NODAL: variants seen among roughly 807,000 people sequenced by gnomAD.
NODAL encodes the protein nodal homolog.
Under a neutral mutation model 34.0 loss-of-function variants are expected in NODAL, and 12 were observed. The ratio of observed to expected loss-of-function variants is 0.35; its 90% confidence interval spans 0.23 to 0.57. The LOEUF is 0.57. Among genes scored for constraint, NODAL ranks in the 20% least tolerant of loss-of-function variants. The probability of loss-of-function intolerance (pLI) is 0.83; values close to 1 mark genes in which losing one functional copy is unlikely to be tolerated. For missense variants in NODAL, 390 were observed against 444.2 expected (o/e 0.88, Z 1.10); for synonymous variants, 162 against 186.4 (o/e 0.87, Z 1.07).
At chr10:70,446,046 G>A (rs145152118), upstream of NODAL, among the ~76,000 whole-genome samples, 1 of 152,246 alleles carries the variant, frequency 6.6e-6, no homozygotes, top group African/African-American at 2.4e-5. Flanking sequence ...TTTTAGGACC[G>A]AGGCTAACAG....
In NODAL at chr10:70,433,056, G is replaced by A. The variant is rs188029435; in HGVS notation, c.924C>T (p.Val308=). The part of the protein sequence containing the change: ...SLLKRYQPHR[V]PSTCCAPVKT... ...TCACTGGGGCACAACAAGTGGAAGG[G>A]ACTCGGTGGGGCTGGTAACGTTTCA... is the stretch of plus-strand genomic sequence containing the variant. The change falls in exon 3 of 3, where the codon GTC becomes GTT. Residue 308 remains valine, a synonymous_variant. Transcript: ENST00000287139. 7.4e-5 allele frequency: 119 copies of A among 1,614,102 alleles called. No homozygotes were observed. The highest frequency in any genetic ancestry group is 6.6e-4 in the Middle Eastern group (4 of 6,062).
In NODAL at chr10:70,435,730, G is replaced by A. The variant is rs1389227600; in HGVS notation, c.447C>T (p.Gly149=). 4.3e-6 allele frequency: 7 copies of A among 1,614,068 alleles called. No homozygotes were observed. The highest frequency in any genetic ancestry group is 1.1e-5 in the South Asian group (1 of 91,090). ...GCCTGGTCACCTCCAAAACCATGCT[G>A]CCCAAGGAAAAGGTGACCTGGGACA... ...VTLSQVTFSL[G]SMVLEVTRPL... is the part of the protein sequence containing the mutation. Residue 149 remains glycine (G), a synonymous_variant, in exon 2 of 3, where the codon GGC becomes GGT. Transcript: ENST00000287139.
chr10:70,432,745 C>T lies in NODAL; in HGVS notation c.*191G>A. ...TCTTCCTCCCTCTTCCTGACAGCAG[C>T]CTCTGTGCTTGGCCAGACTCCACTG... On this transcript the variant is annotated 3_prime_UTR_variant, in exon 3 of 3. Coordinates refer to ENST00000287139, the MANE Select transcript of NODAL (RefSeq NM_018055.5). The T allele has an allele frequency of 1.5e-6, 1 of 654,506 alleles. No homozygotes were observed. The highest frequency in any genetic ancestry group is 2.7e-6 in the Non-Finnish European group (1 of 365,678). The allele number at this position is 654,506 out of a possible 1,614,324, so 40.5% of individuals were successfully genotyped here.
At chr10:70,440,557 A>AG in intron 1 of NODAL, among the ~76,000 whole-genome samples, 1 of 152,066 alleles carries the variant, frequency 6.6e-6, no homozygotes. Context: ...TGGCCCCCGC[A>AG]GGCGGAGGGA....
chr10:70,445,850 G>A (rs567654047), upstream of NODAL, among the ~76,000 whole-genome samples: 5 of 152,248 alleles, frequency 3.3e-5, no homozygotes, highest in South Asian at 2.1e-4. Context: ...CTCAAATAAC[G>A]TCTTGCCTTT....
At chr10:70,438,198 G>A (rs1348910566) in intron 1 of NODAL, among the ~76,000 whole-genome samples, 2 of 152,116 alleles carry the variant, frequency 1.3e-5, no homozygotes, top group African/African-American at 4.8e-5. Flanking sequence ...AGAGGCAGAG[G>A]CAGGAGAATC....
chr10:70,444,177 C>T (rs1430961533), upstream of NODAL, among the ~76,000 whole-genome samples: 4 of 152,140 alleles, frequency 2.6e-5, no homozygotes, highest in African/African-American at 9.7e-5. Context: ...AGGCGATCCA[C>T]CCGCCTCAGC....
At chr10:70,436,266 C>T (rs948428765) in intron 1 of NODAL, 11 of 478,252 alleles carry the variant, frequency 2.3e-5, no homozygotes, top group African/African-American at 5.9e-5. Flanking sequence ...GCCCAGACTC[C>T]GAATTACTGT....
upstream of NODAL, chr10:70,441,717 G>A: frequency 6.5e-7 from 1 of 1,527,516 alleles, no homozygotes; most frequent in Non-Finnish European, 8.9e-7. Flanking sequence ...TATATCCTGG[G>A]CCTCAGCAGC....
intron 1 of NODAL, chr10:70,447,903 AGAC>A: frequency 2.1e-6 from 1 of 471,140 alleles, no homozygotes; most frequent in South Asian, 1.5e-5. Flanking sequence ...GGCAGGTCTA[AGAC>A]AAGTCTCTCG....
At chr10:70,439,688 TCCTCCAGTCTC>T (rs1211520494) in intron 1 of NODAL, among the ~76,000 whole-genome samples, 2 of 152,304 alleles carry the variant, frequency 1.3e-5, no homozygotes, top group Non-Finnish European at 2.9e-5. Flanking sequence ...ACATCCCTTC[TCCTCCAGTCTC>T]CCTCCAGGCG....
rs747485211 is a variant in NODAL, at chr10:70,435,955, C to T, written c.222G>A (p.Thr74=). Residue 74 remains threonine (T), a synonymous_variant, in exon 2 of 3, where the codon ACG becomes ACA. Transcript: ENST00000287139. ...EDVAVDGQNW[T]FAFDFSFLSQ... ...TCAGGAAGGAGAAGTCAAAAGCAAA[C>T]GTCCAGTTCTGCCCATCCACTGCCA... The T allele has an allele frequency of 1.1e-5, 18 of 1,614,052 alleles. No individual in the cohort carries two copies. The highest frequency in any genetic ancestry group is 6.7e-5 in the East Asian group (3 of 44,894).
Position 70,432,404 on chromosome 10 carries a change from C to A in NODAL, c.*532G>T. 1 of 188,140 alleles carries A rather than the reference C, an allele frequency of 5.3e-6. No individual in the cohort carries two copies. The highest frequency in any genetic ancestry group is 1.1e-5 in the Non-Finnish European group (1 of 89,196). The allele number at this position is 188,140 out of a possible 1,614,324, so 11.7% of individuals were successfully genotyped here. On this transcript the variant is annotated 3_prime_UTR_variant, in exon 3 of 3. Transcript: ENST00000287139. ...ACAAGGCCAGTAGATTGCCACTGGC[C>A]AGCCAGAAAGCTGTGGGGCTCCCCC... is the stretch of plus-strand genomic sequence containing the variant.
chr10:70,437,012 A>T (rs1845365434), intron 1 of NODAL, among the ~76,000 whole-genome samples: 1 of 152,208 alleles, frequency 6.6e-6, no homozygotes, highest in Non-Finnish European at 1.5e-5. Context: ...ACACACACCC[A>T]GCCCTGTTCC....
chr10:70,433,976 C>T (rs72809270), intron 2 of NODAL, among the ~76,000 whole-genome samples: 15 of 152,066 alleles, frequency 9.9e-5, no homozygotes, highest in Non-Finnish European at 2.2e-4. Flanking sequence ...TCCAGGTGGG[C>T]GATGAAAATC....
chr10:70,441,777 A>C (rs941173086), upstream of NODAL: 4 of 1,162,556 alleles, frequency 3.4e-6, no homozygotes, highest in East Asian at 2.6e-5. Flanking sequence ...AGATCATATA[A>C]CCCCCCTCCG....
intron 1 of NODAL, chr10:70,436,220 G>A (rs1487030780): frequency 3.5e-6 from 2 of 563,778 alleles, no homozygotes; most frequent in East Asian, 6.2e-5. Context: ...GAAGGTGGCA[G>A]AGCCAAGAGT....
At chr10:70,439,781 A>G (rs1845405672) in intron 1 of NODAL, among the ~76,000 whole-genome samples, 1 of 152,220 alleles carries the variant, frequency 6.6e-6, no homozygotes. Context: ...CTGTACACTA[A>G]AAAACAGTGT....
At chr10:70,447,418 G>A (rs918478984) in intron 1 of NODAL, among the ~76,000 whole-genome samples, 6 of 152,078 alleles carry the variant, frequency 3.9e-5, no homozygotes, top group African/African-American at 1.4e-4. Context: ...GGGTGTGGTG[G>A]CTCGTGCCTG....
Sources: gnomAD v4.1 joint callset for allele counts (sites outside exome capture counted in the v4.1 genomes callset) on GRCh38, gnomAD v4.1.1 for gene constraint, MANE v1.5 for transcripts, NCBI Gene and HGNC (gene_info 2026-07-23, HGNC 2026-07-21) for gene names.